The following BSCL2 variants were observed in gnomAD, a reference collection of about 807,000 sequenced individuals.
BSCL2 encodes the protein BSCL2 lipid droplet biogenesis associated, seipin.
BSCL2 carries 41 observed loss-of-function variants against 57.4 expected under a neutral mutation model. That is an observed-to-expected ratio of 0.71 (90% CI 0.56 to 0.93). BSCL2 has a LOEUF of 0.93. Among genes scored for constraint, BSCL2 ranks in the 40% least tolerant of loss-of-function variants. The probability of loss-of-function intolerance (pLI) is 0.00; values close to 1 mark genes in which losing one functional copy is unlikely to be tolerated. For synonymous variants in BSCL2, 237 were observed against 227.3 expected (o/e 1.04, Z -0.38); for missense variants, 539 against 586.7 (o/e 0.92, Z 0.84).
upstream of BSCL2, chr11:62,709,021 G>A (rs1404249917): frequency 3.6e-6 from 2 of 554,180 alleles, no homozygotes; most frequent in Middle Eastern, 4.9e-4. Context: ...CCAGAGATAT[G>A]AGGCACCCTT....
At chr11:62,706,416 T>C (rs1001313790) in intron 1 of BSCL2, 1 of 606,672 alleles carries the variant, frequency 1.6e-6, no homozygotes, top group Non-Finnish European at 2.4e-6. Flanking sequence ...GGGCGGAGCC[T>C]TCCCGAGCTG....
chr11:62,708,683 C>T (rs772507076), upstream of BSCL2: 2 of 1,613,716 alleles, frequency 1.2e-6, no homozygotes, highest in South Asian at 2.2e-5. Flanking sequence ...CCCAGGTGTC[C>T]AAGGCAGCAG....
chr11:62,697,851 T>G (rs1332503347), intron 3 of BSCL2, among the ~76,000 whole-genome samples: 1 of 150,240 alleles, frequency 6.7e-6, no homozygotes, highest in Non-Finnish European at 1.5e-5. Flanking sequence ...TCTTAGACTA[T>G]CCCAGACAAC....
At position 62,690,695 on chromosome 11, in the gene BSCL2, G is replaced by A. The variant is rs1267936031; in HGVS notation, c.1154-3C>T. ...CTCCTCCTCGGACAGCTGACCCTCT[G>A]CAGCCAAAAGGGGAATGCAGGGGTC... On this transcript the variant is annotated splice_region_variant and splice_polypyrimidine_tract_variant and intron_variant, in intron 9 of 10. Coordinates refer to ENST00000360796, the MANE Select transcript of BSCL2 (RefSeq NM_001122955.4). 5.0e-6 allele frequency: 8 copies of A among 1,613,818 alleles called. No homozygotes were observed. The highest frequency in any genetic ancestry group is 6.8e-6 in the Non-Finnish European group (8 of 1,180,008).
chr11:62,692,784 T>C lies in BSCL2; in HGVS notation c.644A>G (p.Tyr215Cys). The change falls in exon 5 of 11, where the codon TAC (tyrosine) becomes TGC (cysteine). Residue 215 changes from tyrosine (Y) to cysteine (C), a missense_variant. By Grantham distance (194) the Tyr-to-Cys change is radical (BLOSUM62 -2). Coordinates refer to ENST00000360796, the MANE Select transcript of BSCL2 (RefSeq NM_001122955.4). The stretch of plus-strand genomic sequence containing the variant: ...CAGCATCTGGAGCAGGTCTGAGCGG[T>C]AATGCAGCATCACCTGCCGGGGGTG... Reference protein sequence around the residue: ...STSSRSVMLHYRSDLLQMLDT... With the variant: ...STSSRSVMLHCRSDLLQMLDT... 1 of 1,613,576 alleles carries C rather than the reference T, an allele frequency of 6.2e-7. No homozygotes were observed. Among genetic ancestry groups the C allele is most frequent in the Non-Finnish European group, 8.5e-7 (1 of 1,179,996 alleles).
intron 6 of BSCL2, 117 bp from the exon 7 acceptor site, chr11:62,691,538 G>A (rs1266417852): frequency 1.6e-6 from 2 of 1,246,484 alleles, no homozygotes; most frequent in Non-Finnish European, 2.3e-6. Flanking sequence ...AGCTGGCTCT[G>A]TCACCCCTGC....
intron 3 of BSCL2, among the ~76,000 whole-genome samples, chr11:62,699,451 C>T (rs1161508253): frequency 6.6e-6 from 1 of 152,158 alleles, no homozygotes; most frequent in Non-Finnish European, 1.5e-5. Flanking sequence ...CTGCCTCGGC[C>T]TCCCAAATTG....
chr11:62,707,172 T>G lies in BSCL2; in HGVS notation c.24A>C (p.Gln8His). 6.4e-7 allele frequency: 1 copy of G among 1,553,930 alleles called. No individual in the cohort carries two copies. Among genetic ancestry groups the G allele is most frequent in the Non-Finnish European group, 8.7e-7 (1 of 1,147,628 alleles). Reference protein sequence around the residue: MSTEKVDQKEEAGEKEVC... With the variant: MSTEKVDHKEEAGEKEVC... ...CCTCTTTTTCCCCAGCTTCCTCCTT[T>G]TGGTCTACCTTTTCTGTAGACATCT... Residue 8 changes from glutamine (Q) to histidine (H), a missense_variant, in exon 1 of 11, where the codon CAA becomes CAC. By Grantham distance (24) the Gln-to-His change is conservative (BLOSUM62 0). This residue lies in a region of BSCL2 where 218 missense variants were observed against 224.8 expected (regional missense o/e 0.97). Coordinates refer to ENST00000360796, the MANE Select transcript of BSCL2 (RefSeq NM_001122955.4).
chr11:62,705,241 A>G, intron 2 of BSCL2, 60 bp downstream of exon 2: 1 of 1,488,602 alleles, frequency 6.7e-7, no homozygotes, highest in Non-Finnish European at 9.2e-7. Context: ...AACTGAATGA[A>G]CTCCAAGGGC....
At chr11:62,701,522 G>C (rs1945637767) in intron 3 of BSCL2, among the ~76,000 whole-genome samples, 1 of 152,144 alleles carries the variant, frequency 6.6e-6, no homozygotes, top group South Asian at 2.1e-4. Context: ...TATCCCATGT[G>C]ATTTATTGAA....
At chr11:62,697,913 T>TC in intron 3 of BSCL2, among the ~76,000 whole-genome samples, 1 of 151,116 alleles carries the variant, frequency 6.6e-6, no homozygotes, top group East Asian at 2.0e-4. Context: ...CACATCCTTT[T>TC]TTTTTTTTTT....
intron 4 of BSCL2, 131 bp downstream of exon 4, chr11:62,694,437 T>A (rs192698510): frequency 1.1e-4 from 146 of 1,363,478 alleles, no homozygotes; most frequent in Non-Finnish European, 1.4e-4. Flanking sequence ...ACTCCTGGGC[T>A]CAAGCGATCT....
chr11:62,696,323 G>T (rs1039317343), intron 3 of BSCL2, among the ~76,000 whole-genome samples: 1 of 56,586 alleles, frequency 1.8e-5, no homozygotes, highest in Non-Finnish European at 4.6e-5. Context: ...TGAAGACAAG[G>T]TCTTGCTCTG....
upstream of BSCL2, chr11:62,709,020 T>G (rs1288318229): frequency 1.8e-6 from 1 of 552,874 alleles, no homozygotes; most frequent in Admixed American, 2.9e-5. Context: ...CCCAGAGATA[T>G]GAGGCACCCT....
chr11:62,692,601 T>C (rs1227348288), intron 5 of BSCL2, 62 bp downstream of exon 5: 1 of 1,612,922 alleles, frequency 6.2e-7, no homozygotes, highest in Non-Finnish European at 8.5e-7. Context: ...GCTTCTCAGG[T>C]AGAATCCTGG....
rs973365158 is a variant in BSCL2 at position 62,702,577 on chromosome 11, G to A, written c.405-28C>T. 1.9e-6 allele frequency: 3 copies of A among 1,588,000 alleles called. No homozygotes were observed. In the South Asian group the frequency reaches 3.3e-5, roughly 18 times the overall value. The stretch of plus-strand genomic sequence containing the variant: ...AAATGAGATTGGAGGAGGATACTCT[G>A]CTAAGTTAGTCTTACTAGTCCATCC... On this transcript the variant is annotated intron_variant, in intron 2 of 10. Coordinates refer to ENST00000360796, the MANE Select transcript of BSCL2 (RefSeq NM_001122955.4).
rs866695336 is a variant in BSCL2 at position 62,702,656 on chromosome 11, A to G, written c.405-107T>C. The stretch of plus-strand genomic sequence containing the variant: ...CTCCTGCCCTCCTCCCTTCTCTCAG[A>G]ACAGGCACCCTTCTCTCTGTTACAA... On this transcript the variant is annotated intron_variant, in intron 2 of 10. Coordinates refer to ENST00000360796, the MANE Select transcript of BSCL2 (RefSeq NM_001122955.4). 4.8e-5 allele frequency: 40 copies of G among 831,976 alleles called. 1 individual carries two copies. The Middle Eastern group carries it at 4.1e-3, about 86-fold the overall frequency. 51.5% of individuals were successfully genotyped at this position (831,976 alleles called of 1,614,324 possible).
At chr11:62,703,509 C>T (rs1046816255) in intron 2 of BSCL2, among the ~76,000 whole-genome samples, 1 of 151,490 alleles carries the variant, frequency 6.6e-6, no homozygotes, top group African/African-American at 2.4e-5. Context: ...CCTGCCACCA[C>T]GCCCGGCTAA....
chr11:62,707,044 C>G, intron 1 of BSCL2, 65 bp downstream of exon 1: 4 of 1,104,622 alleles, frequency 3.6e-6, no homozygotes, highest in Non-Finnish European at 5.2e-6. Flanking sequence ...ATCCCCCCGC[C>G]CCCTTCACGC....
Sources: gnomAD v4.1 joint callset for allele counts (sites outside exome capture counted in the v4.1 genomes callset) on GRCh38, gnomAD v4.1.1 for gene constraint, gnomAD v4.1.1 regional missense constraint, MANE v1.5 for transcripts, NCBI Gene and HGNC (gene_info 2026-07-23, HGNC 2026-07-21) for gene names.